GALNT17: variants seen among roughly 807,000 people sequenced by gnomAD.
The protein encoded by GALNT17 is polypeptide N-acetylgalactosaminyltransferase 17.
Under a neutral mutation model 63.7 loss-of-function variants are expected in GALNT17, and 29 were observed. That is an observed-to-expected ratio of 0.46 (90% CI 0.34 to 0.62). The LOEUF is 0.62. Among genes scored for constraint, GALNT17 ranks in the 20% least tolerant of loss-of-function variants. The pLI is 0.01. For missense variants in GALNT17, 603 were observed against 799.6 expected (o/e 0.75, Z 2.97); for synonymous variants, 305 against 318.3 (o/e 0.96, Z 0.45).
rs1486822985 is a variant in GALNT17, at chr7:71,571,403, G to T, written c.1080+1G>T. On this transcript the variant is annotated splice_donor_variant, in intron 6 of 10. Transcript: ENST00000333538. LOFTEE classifies it high-confidence loss of function. ...AGAAAATATTGAACTGGGAATCAAG[G>T]TTTGTGACATGGTGTCCCTTCCTCT... The T allele has an allele frequency of 6.2e-7, 1 of 1,612,308 alleles. No individual in the cohort carries two copies.
chr7:71,484,033 A>G (rs533447781), intron 5 of GALNT17, among the ~76,000 whole-genome samples: 1 of 152,260 alleles, frequency 6.6e-6, no homozygotes, highest in East Asian at 1.9e-4. Context: ...GTCATCTCCT[A>G]TGATAACAAT....
intron 6 of GALNT17, among the ~76,000 whole-genome samples, chr7:71,660,694 C>T (rs912967973): frequency 6.6e-6 from 1 of 152,208 alleles, no homozygotes; most frequent in African/African-American, 2.4e-5. Context: ...AATATCACTC[C>T]TTCCGGGAAT....
chr7:71,690,137 G>C (rs150267144), intron 9 of GALNT17, among the ~76,000 whole-genome samples: 1 of 150,890 alleles, frequency 6.6e-6, no homozygotes, highest in African/African-American at 2.4e-5. Context: ...CGAGTCTCCC[G>C]CCTCAGCCTC....
At chr7:71,615,172 G>T (rs1375835554) in intron 6 of GALNT17, among the ~76,000 whole-genome samples, 1 of 152,210 alleles carries the variant, frequency 6.6e-6, no homozygotes, top group African/African-American at 2.4e-5. Context: ...TCAGCACATA[G>T]CCTGCAGAGG....
rs1017456348 is a variant in GALNT17 at position 71,507,575 on chromosome 7, G to A, written c.963-63710G>A. ...GACCCCTTGAGTTTGAATTTTTTTG[G>A]CCAGCCTTGGCACACTAAGAAAATT... On this transcript the variant is annotated intron_variant, in intron 5 of 10. Coordinates refer to ENST00000333538, the MANE Select transcript of GALNT17 (RefSeq NM_022479.3). Among the ~76,000 whole-genome samples the A allele has an allele frequency of 3.9e-5, 6 of 152,062 alleles. No homozygotes were observed. The South Asian group carries it at 8.3e-4, about 21-fold the overall frequency.
intron 1 of GALNT17, among the ~76,000 whole-genome samples, chr7:71,139,108 T>C (rs913209491): frequency 3.3e-5 from 5 of 152,218 alleles, no homozygotes; most frequent in Non-Finnish European, 7.3e-5. Context: ...ATTTCTCTCA[T>C]TTTAGAGGTG....
chr7:71,571,242 C>T (rs1218627948), intron 5 of GALNT17, 43 bp from the exon 6 acceptor site: 3 of 1,566,570 alleles, frequency 1.9e-6, no homozygotes, highest in South Asian at 2.2e-5. Flanking sequence ...GGGCTTCTGG[C>T]ACTGACACCT....
intron 9 of GALNT17, among the ~76,000 whole-genome samples, chr7:71,698,163 G>T (rs1791573818): frequency 6.6e-6 from 1 of 151,496 alleles, no homozygotes; most frequent in African/African-American, 2.4e-5. Flanking sequence ...AAAGAAAGTG[G>T]TTGTATCAGT....
chr7:71,465,797 G>C (rs73702308), intron 5 of GALNT17, among the ~76,000 whole-genome samples: 2,033 of 152,270 alleles, frequency 0.013, 39 homozygotes, highest in African/African-American at 0.046. Flanking sequence ...TTATAGAAAG[G>C]ATGCATGGCC....
At chr7:71,236,621 C>T (rs1044276791) in intron 1 of GALNT17, among the ~76,000 whole-genome samples, 3 of 152,124 alleles carry the variant, frequency 2.0e-5, no homozygotes, top group Admixed American at 2.0e-4. Flanking sequence ...GCTGGTGTTC[C>T]CTCTGCTGCC....
intron 5 of GALNT17, among the ~76,000 whole-genome samples, chr7:71,494,510 T>C (rs2058731070): frequency 1.3e-5 from 2 of 152,198 alleles, no homozygotes; most frequent in African/African-American, 4.8e-5. Context: ...CACACCTGGC[T>C]AATTTTTGTA....
At chr7:71,632,291 G>A (rs1790463591) in intron 6 of GALNT17, among the ~76,000 whole-genome samples, 1 of 152,156 alleles carries the variant, frequency 6.6e-6, no homozygotes, top group African/African-American at 2.4e-5. Flanking sequence ...CACCTGCCGG[G>A]TGCCGGGAGC....
chr7:71,455,197 G>T (rs545970973), intron 5 of GALNT17, among the ~76,000 whole-genome samples: 1 of 152,072 alleles, frequency 6.6e-6, no homozygotes, highest in South Asian at 2.1e-4. Context: ...ATGCTGGTCA[G>T]TTGTTCATGT....
At chr7:71,459,821 C>T (rs1471285365) in intron 5 of GALNT17, among the ~76,000 whole-genome samples, 1 of 152,184 alleles carries the variant, frequency 6.6e-6, no homozygotes, top group Non-Finnish European at 1.5e-5. Flanking sequence ...AAACATTCGT[C>T]ATCTACTGTC....
intron 5 of GALNT17, among the ~76,000 whole-genome samples, chr7:71,448,865 A>G (rs1290287362): frequency 6.6e-6 from 1 of 152,148 alleles, no homozygotes; most frequent in East Asian, 1.9e-4. Context: ...TAAATTATAA[A>G]GCCAAGAAAA....
rs371805303 is a variant in GALNT17, at chr7:71,479,353, CG to C, written c.962+58249del. Among the ~76,000 whole-genome samples, 64 of 152,066 alleles carry C rather than the reference CG, an allele frequency of 4.2e-4. No homozygotes were observed. The Middle Eastern group carries it at 0.01, about 24-fold the overall frequency. On this transcript the variant is annotated intron_variant, in intron 5 of 10. Coordinates refer to ENST00000333538, the MANE Select transcript of GALNT17 (RefSeq NM_022479.3). ...CTCAGTTTTGCACTGGGGCTCAGCACGTATGGTTTCAGGTAGGCTCTGCCTT... is the reference window on the plus strand; with the variant it reads ...CTCAGTTTTGCACTGGGGCTCAGCACTATGGTTTCAGGTAGGCTCTGCCTT...
chr7:71,616,076 C>T (rs1562711341), intron 6 of GALNT17, among the ~76,000 whole-genome samples: 1 of 151,088 alleles, frequency 6.6e-6, no homozygotes. Context: ...ACCAATGTGC[C>T]TATAGACGAG....
At chr7:71,398,595 A>G (rs547092745) in intron 3 of GALNT17, among the ~76,000 whole-genome samples, 55 of 152,150 alleles carry the variant, frequency 3.6e-4, no homozygotes, top group Non-Finnish European at 5.4e-4. Flanking sequence ...TCTATCTTTC[A>G]TGTTGGAGGC....
At chr7:71,628,067 CAG>C (rs1491274473) in intron 6 of GALNT17, among the ~76,000 whole-genome samples, 2 of 70,138 alleles carry the variant, frequency 2.9e-5, no homozygotes, top group Admixed American at 2.2e-4. Flanking sequence ...TAGGGGATCT[CAG>C]GGGGAAAAAA....
Sources: allele counts gnomAD v4.1 joint callset (sites outside exome capture counted in the v4.1 genomes callset), GRCh38; gene constraint gnomAD v4.1.1; transcripts MANE v1.5; gene names NCBI Gene and HGNC (gene_info 2026-07-23, HGNC 2026-07-21).